The following FGF13 variants were observed in gnomAD, a reference collection of about 807,000 sequenced individuals.
FGF13 encodes fibroblast growth factor 13.
A neutral mutation model predicts 19.5 loss-of-function variants in FGF13; 2 were observed. The observed-to-expected ratio is 0.10, with a 90% confidence interval of 0.04 to 0.32. The LOEUF (loss-of-function observed/expected upper bound fraction) is 0.32. FGF13 is among the 10% of genes least tolerant of loss of function. The pLI is 1.00. For missense variants in FGF13, 113 were observed against 192.7 expected (o/e 0.59, Z 2.45); for synonymous variants, 72 against 76.9 (o/e 0.94, Z 0.33).
intron 4 of FGF13, among the ~76,000 whole-genome samples, chrX:138,633,463 A>G (rs2089144557): frequency 8.9e-6 from 1 of 111,993 alleles, no homozygotes; most frequent in African/African-American, 3.2e-5. Flanking sequence ...TTAATAAAAA[A>G]TGCATTTAAT....
chrX:138,753,348 A>T (rs1257377242), intron 3 of FGF13, among the ~76,000 whole-genome samples: 4 of 112,444 alleles, frequency 3.6e-5, no homozygotes, highest in African/African-American at 1.3e-4. Flanking sequence ...AAAACGTAGC[A>T]AATATATAGA....
At position 138,881,023 on chromosome X, in the gene FGF13, A is replaced by T. The variant is rs763210168; in HGVS notation, c.-112-16373T>A. ...CTGTAGATCACTTTGAGTAGTACTG[A>T]CATCTTAACATTATTAAGTCTTTCT... On this transcript the variant is annotated intron_variant, in intron 1 of 2. Transcript: ENST00000421460. Among the ~76,000 whole-genome samples, 4 of 111,848 alleles carry T rather than the reference A, an allele frequency of 3.6e-5. No homozygotes were observed. In the East Asian group the frequency reaches 8.5e-4, roughly 24 times the overall value.
intron 1 of FGF13, among the ~76,000 whole-genome samples, chrX:138,923,685 A>G (rs1319249960): frequency 6.3e-5 from 7 of 111,513 alleles, no homozygotes; most frequent in Admixed American, 5.7e-4. Flanking sequence ...CCATTCCTAT[A>G]TGTCTCCTCC....
intron 3 of FGF13, among the ~76,000 whole-genome samples, chrX:138,830,625 A>G (rs767548931): frequency 9.1e-6 from 1 of 109,891 alleles, no homozygotes; most frequent in East Asian, 2.9e-4. Context: ...TAAAATAGAG[A>G]AGCAGAACAG....
chrX:139,035,560 TGAGGTCTGA>T (rs2092247891), intron 1 of FGF13, among the ~76,000 whole-genome samples: 1 of 111,394 alleles, frequency 9.0e-6, no homozygotes. Context: ...TTCCTGGCAA[TGAGGTCTGA>T]GAGAACTTCT....
chrX:138,790,080 A>G (rs1602857371), intron 3 of FGF13, among the ~76,000 whole-genome samples: 1 of 95,792 alleles, frequency 1.0e-5, no homozygotes, highest in Middle Eastern at 5.3e-3. Context: ...ACAAACACAC[A>G]CACACATGCT....
chrX:139,040,299 G>A (rs765737072), intron 1 of FGF13, among the ~76,000 whole-genome samples: 16 of 111,803 alleles, frequency 1.4e-4, no homozygotes, highest in Non-Finnish European at 2.6e-4. Flanking sequence ...ACCTGCCAAG[G>A]AATTTGGAAA....
chrX:138,947,364 T>A (rs752999147), intron 1 of FGF13, among the ~76,000 whole-genome samples: 15 of 112,110 alleles, frequency 1.3e-4, no homozygotes, highest in African/African-American at 4.9e-4. Context: ...CAGACAGATT[T>A]ATATTCAATT....
chrX:138,950,041 TA>T (rs773381233), intron 1 of FGF13, among the ~76,000 whole-genome samples: 1 of 112,011 alleles, frequency 8.9e-6, no homozygotes, highest in East Asian at 2.8e-4. Flanking sequence ...AGAAGGATGT[TA>T]AAAATGGAAA....
intron 1 of FGF13, among the ~76,000 whole-genome samples, chrX:139,154,617 A>C (rs2083962919): frequency 1.8e-5 from 2 of 112,141 alleles, no homozygotes; most frequent in East Asian, 5.6e-4. Flanking sequence ...ATAACAACAA[A>C]AGGTGTGATT....
chrX:139,049,770 A>G (rs1334066919), intron 1 of FGF13, among the ~76,000 whole-genome samples: 2 of 112,496 alleles, frequency 1.8e-5, no homozygotes, highest in Non-Finnish European at 3.8e-5. Flanking sequence ...TAAGTTTCGG[A>G]ATCCCATAGC....
At chrX:139,149,242 AT>A (rs1408231991) in intron 1 of FGF13, among the ~76,000 whole-genome samples, 1 of 111,962 alleles carries the variant, frequency 8.9e-6, no homozygotes, top group Non-Finnish European at 1.9e-5. Context: ...CACATCATTA[AT>A]TTGCACCATT....
At chrX:138,730,656 A>G (rs772668233) in intron 1 of FGF13, among the ~76,000 whole-genome samples, 3 of 111,813 alleles carry the variant, frequency 2.7e-5, no homozygotes, top group Non-Finnish European at 5.7e-5. Context: ...ATTAAAAAAG[A>G]AAAACAGAGG....
chrX:139,148,604 T>TAA (rs754469846), intron 1 of FGF13, among the ~76,000 whole-genome samples: 68 of 84,632 alleles, frequency 8.0e-4, no homozygotes, highest in African/African-American at 2.7e-3. Context: ...GCCATTGGTT[T>TAA]AAAAAAAAAA....
chrX:139,085,964 T>A, intron 1 of FGF13, among the ~76,000 whole-genome samples: 1 of 112,639 alleles, frequency 8.9e-6, no homozygotes, highest in East Asian at 2.8e-4. Context: ...CCATATGATC[T>A]TACTTTTGCA....
chrX:139,155,998 C>G (rs1055100943), intron 1 of FGF13, among the ~76,000 whole-genome samples: 3 of 111,926 alleles, frequency 2.7e-5, no homozygotes, highest in Non-Finnish European at 3.8e-5. Context: ...AGGGTGAGCC[C>G]TGGGCAGCAG....
chrX:138,711,771 G>T, upstream of FGF13: 1 of 627,120 alleles, frequency 1.6e-6, no homozygotes, highest in Non-Finnish European at 1.9e-6. Flanking sequence ...GGCTGAGCCC[G>T]TAGGCTCGGA....
intron 1 of FGF13, among the ~76,000 whole-genome samples, chrX:138,886,238 C>A (rs1306252190): frequency 1.8e-5 from 2 of 111,747 alleles, no homozygotes. Context: ...AGCCCCTACC[C>A]CCACCCCAAT....
chrX:138,931,892 T>C (rs1341371854), intron 1 of FGF13, among the ~76,000 whole-genome samples: 1 of 111,237 alleles, frequency 9.0e-6, no homozygotes, highest in South Asian at 3.8e-4. Flanking sequence ...TAAGAAAAAA[T>C]GACCAAAACT....
Sources: gnomAD v4.1 joint callset for allele counts (sites outside exome capture counted in the v4.1 genomes callset) on GRCh38, gnomAD v4.1.1 for gene constraint, MANE v1.5 for transcripts, NCBI Gene and HGNC (gene_info 2026-07-23, HGNC 2026-07-21) for gene names.